LMLN: variants seen among roughly 807,000 people sequenced by gnomAD.
The protein encoded by LMLN is leishmanolysin like peptidase.
LMLN carries 70 observed loss-of-function variants against 92.3 expected under a neutral mutation model. The ratio of observed to expected loss-of-function variants is 0.76; its 90% CI spans 0.63 to 0.92. The LOEUF is 0.92. Ranked by LOEUF, LMLN falls within the 40% of genes least tolerant of loss-of-function variation. LMLN has a pLI of 0.00. For synonymous variants in LMLN, 308 were observed against 296.2 expected (o/e 1.04, Z -0.41); for missense variants, 691 against 814.6 (o/e 0.85, Z 1.85).
At chr3:198,000,413 T>C (rs149141801) in intron 11 of LMLN, among the ~76,000 whole-genome samples, 1 of 152,266 alleles carries the variant, frequency 6.6e-6, no homozygotes, top group East Asian at 1.9e-4. Context: ...GGTAAAAGCA[T>C]TTAAACATAT....
chr3:197,960,320 G>T lies in LMLN; in HGVS notation c.99G>T (p.Gly33=). The T allele has an allele frequency of 2.5e-6, 4 of 1,613,906 alleles. No individual in the cohort carries two copies. The South Asian group carries it at 3.3e-5, about 13-fold the overall frequency. Residue 33 remains glycine, a synonymous_variant, in exon 1 of 16, where the codon GGG becomes GGT. Transcript: ENST00000330198. Reference sequence around the variant, plus strand: ...GCCGGAGCCGGTGGCGCTGGAGCGGGTCTGTGTGGGTCCGAAGCGTTTTAC... The same window carrying T: ...GCCGGAGCCGGTGGCGCTGGAGCGGTTCTGTGTGGGTCCGAAGCGTTTTAC...
rs1721625435 is a variant in LMLN, at chr3:197,983,838, C to G, written c.729-105C>G. On this transcript the variant is annotated intron_variant, in intron 6 of 15. Transcript: ENST00000330198. ...TGATGGTACAAAATTGCATTGGATA[C>G]TTTGCAAAGATTTTTCTGTCCTTGA... The G allele has an allele frequency of 7.2e-6, 5 of 691,982 alleles. 1 individual carries two copies. In the East Asian group the frequency reaches 1.3e-4, roughly 18 times the overall value. 42.9% of individuals were successfully genotyped at this position (691,982 alleles called of 1,614,324 possible).
chr3:197,998,162 G>A (rs982531382), intron 10 of LMLN, among the ~76,000 whole-genome samples: 6 of 152,202 alleles, frequency 3.9e-5, no homozygotes, highest in Non-Finnish European at 7.3e-5. Flanking sequence ...CAGAGCACAA[G>A]ACCACAATAG....
At chr3:198,005,914 C>G (rs1211089270) in intron 11 of LMLN, among the ~76,000 whole-genome samples, 1 of 152,004 alleles carries the variant, frequency 6.6e-6, no homozygotes, top group East Asian at 1.9e-4. Flanking sequence ...GTCAGGAGTT[C>G]AAGACCAGCC....
exon 13 of LMLN, chr3:198,021,494 G>T: frequency 6.2e-7 from 1 of 1,614,100 alleles, no homozygotes; most frequent in East Asian, 2.2e-5. Flanking sequence ...GCCTTATTAT[G>T]GTGGCTCCGT....
chr3:197,990,873 T>C (rs1345929638), intron 9 of LMLN, among the ~76,000 whole-genome samples, 197 bp downstream of exon 9: 4 of 152,104 alleles, frequency 2.6e-5, no homozygotes, highest in Non-Finnish European at 4.4e-5. Flanking sequence ...CTCTCACAGC[T>C]CCTATCCCAC....
At chr3:197,974,929 A>G (rs1489097386) in intron 2 of LMLN, 113 bp from the exon 3 acceptor site, 2 of 717,132 alleles carry the variant, frequency 2.8e-6, no homozygotes, top group East Asian at 5.2e-5. Context: ...TGGCTGCTCC[A>G]TAGGCAGAGC....
chr3:197,974,228 G>T, intron 1 of LMLN, 149 bp from the exon 2 acceptor site: 1 of 580,866 alleles, frequency 1.7e-6, no homozygotes, highest in Non-Finnish European at 3.0e-6. Context: ...GAGCTTTGAG[G>T]TTCAAGAATG....
intron 1 of LMLN, among the ~76,000 whole-genome samples, chr3:197,971,998 G>C (rs1208027766): frequency 1.5e-5 from 2 of 134,216 alleles, no homozygotes; most frequent in Non-Finnish European, 3.1e-5. Flanking sequence ...CTTCGGATTG[G>C]ATAATGTCTA....
At chr3:197,970,537 G>T (rs1197093031) in intron 1 of LMLN, among the ~76,000 whole-genome samples, 1 of 152,194 alleles carries the variant, frequency 6.6e-6, no homozygotes, top group East Asian at 1.9e-4. Context: ...ACAAAGTGTG[G>T]TCTACCAGGG....
rs1408686072 is a variant in LMLN at position 198,031,720 on chromosome 3, A to G, written c.1657-4113A>G. The stretch of plus-strand genomic sequence containing the variant: ...ATTCTTAATTTTAACTTCGCATACC[A>G]CATCCTCATCTGCCACAAGCCCCAG... On this transcript the variant is annotated intron_variant, in intron 14 of 15. Coordinates refer to ENST00000330198, the Ensembl canonical transcript of LMLN. The surrounding 1 kb of genome is among the most constrained non-coding windows in gnomAD (Gnocchi z 4.8). 1.3e-5 allele frequency among the ~76,000 whole-genome samples: 2 copies of G among 152,060 alleles called. No individual in the cohort carries two copies. The highest frequency in any genetic ancestry group is 4.8e-5 in the African/African-American group (2 of 41,370).
rs73894232 is a variant in LMLN at position 197,960,581 on chromosome 3, C to T, written c.219+141C>T. ...GAGCCTGACTCTTACAGGCCTGGGACCCGCTCTCAGCTCCCTACACCCTGC... is the reference window on the plus strand; with the variant it reads ...GAGCCTGACTCTTACAGGCCTGGGATCCGCTCTCAGCTCCCTACACCCTGC... On this transcript the variant is annotated intron_variant, in intron 1 of 15. Coordinates refer to ENST00000330198, the Ensembl canonical transcript of LMLN. 4.3e-4 allele frequency: 316 copies of T among 742,724 alleles called. 1 individual carries two copies. In the African/African-American group the frequency reaches 4.7e-3, roughly 11 times the overall value. 46.0% of individuals were successfully genotyped at this position (742,724 alleles called of 1,614,324 possible).
chr3:198,038,594 T>A, exon 16 of LMLN: 1 of 1,614,104 alleles, frequency 6.2e-7, no homozygotes, highest in Non-Finnish European at 8.5e-7. Context: ...TCGAGCCTGG[T>A]GGTCACCCTC....
chr3:198,006,232 G>A (rs1722290208), intron 11 of LMLN, among the ~76,000 whole-genome samples: 1 of 152,156 alleles, frequency 6.6e-6, no homozygotes, highest in East Asian at 1.9e-4. Context: ...ATTCATCCAG[G>A]TTGTTGTATG....
rs764117996 is a variant in LMLN, at chr3:197,975,098, A to C, written c.348+26A>C. On this transcript the variant is annotated intron_variant, in intron 3 of 15. Coordinates refer to ENST00000330198, the Ensembl canonical transcript of LMLN. ...GTATGTAATAAATACTCATAACTTG[A>C]ATTGGACACTTAAAATTTTATTGCA... 39 of 1,291,258 alleles carry C rather than the reference A, an allele frequency of 3.0e-5. No individual in the cohort carries two copies. In the South Asian group the frequency reaches 4.9e-4, roughly 16 times the overall value. The allele number at this position is 1,291,258 out of a possible 1,614,324, so 80.0% of individuals were successfully genotyped here. A position where few individuals can be genotyped will look rare whatever the true frequency, so the allele number is the denominator to read the frequency against.
At chr3:197,998,310 G>T (rs573848329) in intron 10 of LMLN, among the ~76,000 whole-genome samples, 3 of 152,308 alleles carry the variant, frequency 2.0e-5, no homozygotes, top group East Asian at 3.9e-4. Flanking sequence ...ATTCTGGAAA[G>T]AATGAAATTA....
At chr3:197,976,740 G>A (rs568404159) in intron 5 of LMLN, 25 bp downstream of exon 5, 2 of 1,217,496 alleles carry the variant, frequency 1.6e-6, no homozygotes, top group South Asian at 3.1e-5. Context: ...TCTTGGCAGT[G>A]CTTTTACACC....
intron 1 of LMLN, among the ~76,000 whole-genome samples, chr3:197,960,841 G>A (rs1366145188): frequency 6.6e-6 from 1 of 152,074 alleles, no homozygotes; most frequent in African/African-American, 2.4e-5. Context: ...GCTTGTCCGG[G>A]GACCACTTTA....
At chr3:197,972,313 C>T (rs1721252448) in intron 1 of LMLN, among the ~76,000 whole-genome samples, 1 of 152,186 alleles carries the variant, frequency 6.6e-6, no homozygotes, top group Non-Finnish European at 1.5e-5. Flanking sequence ...ATCCACCCAC[C>T]TCAGCCTCCC....
Sources: allele counts gnomAD v4.1 joint callset (sites outside exome capture counted in the v4.1 genomes callset), GRCh38; gene constraint gnomAD v4.1.1; non-coding constraint Gnocchi (gnomAD v3.1); transcripts MANE v1.5; gene names NCBI Gene and HGNC (gene_info 2026-07-23, HGNC 2026-07-21).